Variants in SLC36A1 observed in about 807,000 individuals in gnomAD.
SLC36A1 encodes proton-coupled amino acid transporter 1.
SLC36A1 carries 30 observed loss-of-function variants against 47.5 expected under a neutral mutation model. That is an observed-to-expected ratio of 0.63 (90% CI 0.47 to 0.86). SLC36A1 has a LOEUF of 0.86. Ranked by LOEUF, SLC36A1 falls within the 40% of genes least tolerant of loss-of-function variation. SLC36A1 has a pLI of 0.00. For synonymous variants in SLC36A1, 255 were observed against 249.7 expected, an observed-to-expected ratio of 1.02 and a Z score of -0.20; for missense variants, 517 against 606.0, an observed-to-expected ratio of 0.85 and a Z score of 1.54.
chr5:151,351,049 T>C, the SLC36A1 span, among the ~76,000 whole-genome samples: 274 of 152,294 alleles, frequency 1.8e-3, 1 homozygote, highest in African/African-American at 6.2e-3. Context: ...AAAATACTAA[T>C]GAGTGTGTCT....
At chr5:151,362,887 A>G in the SLC36A1 span, among the ~76,000 whole-genome samples, 1 of 152,144 alleles carries the variant, frequency 6.6e-6, no homozygotes, top group Non-Finnish European at 1.5e-5. Context: ...GCTCTTTTGA[A>G]TGTTTTATCA....
chr5:151,507,420 G>C, the SLC36A1 span: 1 of 1,614,178 alleles, frequency 6.2e-7, no homozygotes, highest in Non-Finnish European at 8.5e-7. Flanking sequence ...CAGGAGGTCT[G>C]GGTCCTCCAT....
At chr5:151,347,178 A>C in the SLC36A1 span, 1 of 1,282,308 alleles carries the variant, frequency 7.8e-7, no homozygotes, top group Non-Finnish European at 1.1e-6. Context: ...CACCTTTTGC[A>C]ACCTTGGTTT....
At chr5:151,531,571 TG>T in the SLC36A1 span, 1 of 1,611,598 alleles carries the variant, frequency 6.2e-7, no homozygotes, top group Non-Finnish European at 8.5e-7. This position sits in a 1 kb window ranked among gnomAD's most constrained non-coding sequence, Gnocchi z 5.7. Context: ...TGGGGCTTGG[TG>T]GATCAGGCTC....
At chr5:151,452,807 T>C (rs1581066229) in intron 1 of SLC36A1, among the ~76,000 whole-genome samples, 1 of 149,178 alleles carries the variant, frequency 6.7e-6, no homozygotes. Context: ...GAGGCGGAGG[T>C]TGCAGTGAGC....
chr5:151,542,951 G>T, the SLC36A1 span: 2 of 1,614,228 alleles, frequency 1.2e-6, no homozygotes, highest in East Asian at 4.5e-5. Context: ...CCCCGCACTA[G>T]ACTGTAGATG....
At chr5:151,502,024 C>A in the SLC36A1 span, among the ~76,000 whole-genome samples, 1 of 148,270 alleles carries the variant, frequency 6.7e-6, no homozygotes, top group Non-Finnish European at 1.5e-5. Context: ...AAATTAAAAA[C>A]GAGTAGGGCA....
chr5:151,421,204 CCTTCCTTCCTT>C, the SLC36A1 span, among the ~76,000 whole-genome samples: 3 of 146,432 alleles, frequency 2.0e-5, no homozygotes, highest in African/African-American at 7.6e-5. Flanking sequence ...TTCCTTCCTT[CCTTCCTTCCTT>C]CCTCCCTTTC....
the SLC36A1 span, among the ~76,000 whole-genome samples, chr5:151,382,585 TAAG>T: frequency 6.6e-6 from 1 of 152,202 alleles, no homozygotes; most frequent in African/African-American, 2.4e-5. Context: ...ACTCTCTTGT[TAAG>T]AAGGTTCTGC....
chr5:151,367,395 T>C, the SLC36A1 span, among the ~76,000 whole-genome samples: 1 of 129,018 alleles, frequency 7.8e-6, no homozygotes, highest in African/African-American at 2.9e-5. Flanking sequence ...TTAATATTAA[T>C]ATTCCTTGCT....
the SLC36A1 span, among the ~76,000 whole-genome samples, chr5:151,360,952 C>T: frequency 6.6e-6 from 1 of 152,210 alleles, no homozygotes; most frequent in Non-Finnish European, 1.5e-5. Context: ...TTTTTTGTCA[C>T]ATCCACAATC....
At chr5:151,523,061 C>T in the SLC36A1 span, among the ~76,000 whole-genome samples, 1 of 152,200 alleles carries the variant, frequency 6.6e-6, no homozygotes, top group Non-Finnish European at 1.5e-5. Context: ...ATCACTTCCT[C>T]AGCTGTCAAC....
the SLC36A1 span, among the ~76,000 whole-genome samples, chr5:151,358,534 T>A: frequency 6.6e-6 from 1 of 152,140 alleles, no homozygotes; most frequent in Admixed American, 6.5e-5. Context: ...GATTACAGGT[T>A]TAGTTTAATT....
chr5:151,516,727 G>A, the SLC36A1 span, among the ~76,000 whole-genome samples: 9 of 152,198 alleles, frequency 5.9e-5, no homozygotes, highest in Non-Finnish European at 1.0e-4. Flanking sequence ...ACCTAGGACA[G>A]TGCCTGTCAC....
the SLC36A1 span, chr5:151,529,244 T>G: frequency 3.7e-6 from 6 of 1,614,036 alleles, no homozygotes; most frequent in Non-Finnish European, 5.1e-6. Context: ...CTTGGGGGAA[T>G]TGGGGCCGGT....
At chr5:151,436,333 A>G (rs1246856090), upstream of SLC36A1, among the ~76,000 whole-genome samples, 2 of 152,168 alleles carry the variant, frequency 1.3e-5, no homozygotes, top group Non-Finnish European at 2.9e-5. Context: ...TAATGAGATA[A>G]TACAGCATGT....
chr5:151,487,486 A>G (rs1759727480), intron 10 of SLC36A1, among the ~76,000 whole-genome samples: 1 of 152,136 alleles, frequency 6.6e-6, no homozygotes, highest in Admixed American at 6.5e-5. Flanking sequence ...TGCTCTGTGA[A>G]ATGCGGTTTT....
At chr5:151,348,740 T>C in the SLC36A1 span, among the ~76,000 whole-genome samples, 1 of 152,214 alleles carries the variant, frequency 6.6e-6, no homozygotes, top group Admixed American at 6.5e-5. Flanking sequence ...TTTTTACAGA[T>C]GTGGAAATTG....
chr5:151,352,324 A>T, the SLC36A1 span, among the ~76,000 whole-genome samples: 1 of 152,288 alleles, frequency 6.6e-6, no homozygotes, highest in Admixed American at 6.5e-5. Context: ...AAGCTCCATG[A>T]AAGTGGGAAG....
Sources: allele counts gnomAD v4.1 joint callset (sites outside exome capture counted in the v4.1 genomes callset), GRCh38; gene constraint gnomAD v4.1.1; non-coding constraint Gnocchi (gnomAD v3.1); transcripts MANE v1.5; gene names NCBI Gene and HGNC (gene_info 2026-07-23, HGNC 2026-07-21).